The following HNRNPA1 variants were observed in gnomAD, a reference collection of about 807,000 sequenced individuals.
HNRNPA1 encodes epididymis secretory sperm binding protein.
In HNRNPA1, 7 loss-of-function variants were observed where a neutral mutation model predicts 44.4. That is an observed-to-expected ratio of 0.16 (90% CI 0.09 to 0.30). The LOEUF (loss-of-function observed/expected upper bound fraction) is 0.30. HNRNPA1 is among the 10% of genes least tolerant of loss of function. HNRNPA1 has a pLI of 1.00. For synonymous variants in HNRNPA1, 169 were observed against 160.6 expected, an observed-to-expected ratio of 1.05 and a Z score of -0.40; for missense variants, 193 against 465.8, an observed-to-expected ratio of 0.41 and a Z score of 5.39.
At position 54,284,598 on chromosome 12, in the gene HNRNPA1, A is replaced by G. The variant is rs1944237385; in HGVS notation, c.*54A>G. The G allele has an allele frequency of 3.1e-6, 2 of 640,956 alleles. No homozygotes were observed. The highest frequency in any genetic ancestry group is 5.7e-6 in the Non-Finnish European group (2 of 351,970). The allele number at this position is 640,956 out of a possible 1,614,324, so 39.7% of individuals were successfully genotyped here. A position where few individuals can be genotyped will look rare whatever the true frequency, so the allele number is the denominator to read the frequency against. On this transcript the variant is annotated 3_prime_UTR_variant, in exon 11 of 11. Coordinates refer to ENST00000340913, the MANE Select transcript of HNRNPA1 (RefSeq NM_031157.4). ...GAGCCAGAGAAGTGACAGGGAAGCTACAGGTTACAACAGATTTGTGAACTC... is the reference window on the plus strand; with the variant it reads ...GAGCCAGAGAAGTGACAGGGAAGCTGCAGGTTACAACAGATTTGTGAACTC...
Position 54,286,168 on chromosome 12 carries a change from G to A in HNRNPA1, c.*1624G>A, listed in dbSNP as rs1456700140. ...GCCACGGCACGCTCCATGAAAGCTA[G>A]GAGGGAGTGAAATATCAGTGATCAT... is the stretch of plus-strand genomic sequence containing the variant. On this transcript the variant is annotated 3_prime_UTR_variant, in exon 11 of 11. Coordinates refer to ENST00000340913, the MANE Select transcript of HNRNPA1 (RefSeq NM_031157.4). 1 of 152,196 alleles carries A rather than the reference G, an allele frequency of 6.6e-6. No homozygotes were observed. Among genetic ancestry groups the A allele is most frequent in the Non-Finnish European group, 1.5e-5 (1 of 68,090 alleles). 9.4% of individuals were successfully genotyped at this position (152,196 alleles called of 1,614,324 possible).
Position 54,281,950 on chromosome 12 carries a change from G to T in HNRNPA1, c.279+9G>T. The T allele has an allele frequency of 1.9e-6, 3 of 1,612,064 alleles. No homozygotes were observed. Among genetic ancestry groups the T allele is most frequent in the Middle Eastern group, 1.7e-4 (1 of 6,058 alleles). ...GAGCTGTCTCCAGAGAAGTGAGTGGGTTTTTTTTCTTCTTCTTCTTAAACT... is the reference window on the plus strand; with the variant it reads ...GAGCTGTCTCCAGAGAAGTGAGTGGTTTTTTTTTCTTCTTCTTCTTAAACT... On this transcript the variant is annotated intron_variant, in intron 3 of 10. Transcript: ENST00000340913.
chr12:54,282,025 T>A (rs1944181266), intron 3 of HNRNPA1, 65 bp from the exon 4 acceptor site: 2 of 1,599,164 alleles, frequency 1.3e-6, no homozygotes, highest in East Asian at 4.5e-5. Flanking sequence ...TTTTCTAAAC[T>A]TACCAAAATT....
At position 54,285,342 on chromosome 12, in the gene HNRNPA1, C is replaced by A. The variant is rs1944247582; in HGVS notation, c.*798C>A. On this transcript the variant is annotated 3_prime_UTR_variant, in exon 11 of 11. Coordinates refer to ENST00000340913, the MANE Select transcript of HNRNPA1 (RefSeq NM_031157.4). ...AATGTTGAATGCTTCTATCACAATT[C>A]AAGTTCAAAGCTCTGCCAGGGAATA... is the stretch of plus-strand genomic sequence containing the variant. 6.6e-6 allele frequency: 1 copy of A among 152,230 alleles called. No homozygotes were observed. The highest frequency in any genetic ancestry group is 1.5e-5 in the Non-Finnish European group (1 of 68,048). The allele number at this position is 152,230 out of a possible 1,614,324, so 9.4% of individuals were successfully genotyped here. A position where few individuals can be genotyped will look rare whatever the true frequency, so the allele number is the denominator to read the frequency against.
chr12:54,284,361 G>C, intron 10 of HNRNPA1, 44 bp downstream of exon 10: 1 of 1,522,274 alleles, frequency 6.6e-7, no homozygotes, highest in Non-Finnish European at 9.1e-7. Flanking sequence ...TTTTTAAATT[G>C]CTGATGAACC....
chr12:54,282,416 T>C lies in HNRNPA1; in HGVS notation c.513T>C (p.Asn171=). 1.2e-6 allele frequency: 2 copies of C among 1,613,556 alleles called. No homozygotes were observed. The highest frequency in any genetic ancestry group is 1.7e-4 in the Middle Eastern group (1 of 5,988). ...KIVIQKYHTV[N]GHNCEVRKAL... is the part of the protein sequence containing the mutation. ...TAGTTCAGAAATACCATACTGTGAA[T>C]GGCCACAACTGTGAAGTTAGAAAAG... The change falls in exon 5 of 11, where the codon AAT becomes AAC. Residue 171 remains asparagine, a synonymous_variant. Transcript: ENST00000340913.
At chr12:54,281,666 G>A (rs1341782682) in intron 2 of HNRNPA1, 129 bp from the exon 3 acceptor site, 4 of 1,077,962 alleles carry the variant, frequency 3.7e-6, no homozygotes, top group South Asian at 2.8e-5. Flanking sequence ...CTTAAATCTA[G>A]GGTAGTGGGA....
At position 54,282,582 on chromosome 12, in the gene HNRNPA1, G is replaced by T. The variant is rs1944191613; in HGVS notation, c.593G>T (p.Gly198Val). Residue 198 changes from glycine (G) to valine (V), a missense_variant, in exon 6 of 11, where the codon GGT (glycine) becomes GTT (valine). Transcript: ENST00000340913. ...AACTTCATGTCTTAAGGTCGAAGTG[G>T]TTCTGGAAACTTTGGTGGTGGTCGT... is the stretch of plus-strand genomic sequence containing the variant. ...SASSSQRGRSGSGNFGGGRGG... is the reference protein window; with the variant it reads ...SASSSQRGRSVSGNFGGGRGG... 6.2e-7 allele frequency: 1 copy of T among 1,613,838 alleles called. No individual in the cohort carries two copies. Among genetic ancestry groups the T allele is most frequent in the Admixed American group, 1.7e-5 (1 of 59,990 alleles).
chr12:54,281,745 A>G (rs768983528), intron 2 of HNRNPA1, 50 bp from the exon 3 acceptor site: 23 of 1,569,228 alleles, frequency 1.5e-5, no homozygotes, highest in South Asian at 7.0e-5. Flanking sequence ...TAAAATGACA[A>G]AAGCTTTTGC....
intron 8 of HNRNPA1, chr12:54,283,587 ATC>A (rs1944214625): frequency 1.7e-6 from 1 of 602,590 alleles, no homozygotes; most frequent in Non-Finnish European, 2.9e-6. Context: ...CACTCTGAAA[ATC>A]TCTTTATTTT....
chr12:54,282,333 T>A, intron 4 of HNRNPA1, 33 bp downstream of exon 4: 1 of 1,611,222 alleles, frequency 6.2e-7, no homozygotes, highest in East Asian at 2.2e-5. Flanking sequence ...TAGTAAGGGT[T>A]CCACAATCTG....
At position 54,281,562 on chromosome 12, in the gene HNRNPA1, A is replaced by G. The variant is rs149739481; in HGVS notation, c.132+60A>G. ...CGATTTCCTTGGCTTATCTTGGTGCAGTCTTCTCCGAATGCTTATGAAAGT... is the reference window on the plus strand; with the variant it reads ...CGATTTCCTTGGCTTATCTTGGTGCGGTCTTCTCCGAATGCTTATGAAAGT... On this transcript the variant is annotated intron_variant, in intron 2 of 10. Transcript: ENST00000340913. 1.4e-3 allele frequency: 1,695 copies of G among 1,218,208 alleles called. 14 individuals carry two copies. The East Asian group carries it at 0.022, about 16-fold the overall frequency. 75.5% of individuals were successfully genotyped at this position (1,218,208 alleles called of 1,614,324 possible). A position where few individuals can be genotyped will look rare whatever the true frequency, so the allele number is the denominator to read the frequency against.
At chr12:54,284,016 T>C (rs1944224462) in intron 9 of HNRNPA1, 49 bp downstream of exon 9, 1 of 1,592,154 alleles carries the variant, frequency 6.3e-7, no homozygotes. Context: ...TGTCTGTAGC[T>C]ACTGCTGGGA....
chr12:54,280,789 C>G lies in HNRNPA1; in HGVS notation c.-19C>G, dbSNP rs558000891. 3.5e-5 allele frequency: 57 copies of G among 1,614,140 alleles called. 1 individual carries two copies. The South Asian group carries it at 5.8e-4, about 16-fold the overall frequency. ...GCCGCCGAAGAAGCATCGTTAAAGTCTCTCTTCACCCTGCCGTCATGTCTA... is the reference window on the plus strand; with the variant it reads ...GCCGCCGAAGAAGCATCGTTAAAGTGTCTCTTCACCCTGCCGTCATGTCTA... On this transcript the variant is annotated 5_prime_UTR_variant, in exon 1 of 11. Transcript: ENST00000340913.
In HNRNPA1 at chr12:54,285,137, C is replaced by T. The variant is rs542005675; in HGVS notation, c.*593C>T. 1.4e-3 allele frequency: 211 copies of T among 156,072 alleles called. No homozygotes were observed. Among genetic ancestry groups the T allele is most frequent in the Non-Finnish European group, 2.5e-3 (175 of 69,992 alleles). The allele number at this position is 156,072 out of a possible 1,614,324, so 9.7% of individuals were successfully genotyped here. On this transcript the variant is annotated 3_prime_UTR_variant, in exon 11 of 11. Coordinates refer to ENST00000340913, the MANE Select transcript of HNRNPA1 (RefSeq NM_031157.4). ...TTATAAAAGTGATTGTTGGCACATCCTATGCAATATATCTAAATTGAATAA... is the reference window on the plus strand; with the variant it reads ...TTATAAAAGTGATTGTTGGCACATCTTATGCAATATATCTAAATTGAATAA...
chr12:54,281,086 C>G, intron 1 of HNRNPA1: 1 of 702,032 alleles, frequency 1.4e-6, no homozygotes, highest in South Asian at 1.5e-5. Context: ...TTTTTTAAAC[C>G]TTGCCTTGGT....
At chr12:54,283,756 T>G (rs1944217855) in intron 8 of HNRNPA1, 56 bp from the exon 9 acceptor site, 1 of 1,543,698 alleles carries the variant, frequency 6.5e-7, no homozygotes, top group South Asian at 1.1e-5. Context: ...CTAAACAGAA[T>G]TGGAAACTAA....
chr12:54,284,141 C>G, intron 9 of HNRNPA1, 117 bp from the exon 10 acceptor site: 2 of 1,273,762 alleles, frequency 1.6e-6, no homozygotes, highest in Admixed American at 2.3e-5. Flanking sequence ...TACCACCTCC[C>G]TTGTAGTAGG....
chr12:54,281,682 G>C (rs766578015), intron 2 of HNRNPA1, 113 bp from the exon 3 acceptor site: 16 of 1,219,196 alleles, frequency 1.3e-5, no homozygotes, highest in Admixed American at 1.1e-4. Context: ...TGGGAAACTG[G>C]ACGACTTTTT....
Sources: gnomAD v4.1 joint callset for allele counts on GRCh38, gnomAD v4.1.1 for gene constraint, MANE v1.5 for transcripts, NCBI Gene and HGNC (gene_info 2026-07-23, HGNC 2026-07-21) for gene names.